Variants in OSBPL10 observed in about 807,000 individuals in gnomAD.
OSBPL10 encodes oxysterol binding protein like 10.
In OSBPL10, 49 loss-of-function variants were observed where a neutral mutation model predicts 81.7. The ratio of observed to expected loss-of-function variants is 0.60; its 90% CI spans 0.48 to 0.76. The LOEUF is 0.76. Among genes scored for constraint, OSBPL10 ranks in the 30% least tolerant of loss-of-function variants. The probability of loss-of-function intolerance (pLI) is 0.00; values close to 1 mark genes in which losing one functional copy is unlikely to be tolerated. For synonymous variants in OSBPL10, 419 were observed against 383.6 expected, an observed-to-expected ratio of 1.09 and a Z score of -1.08; for missense variants, 923 against 987.8, an observed-to-expected ratio of 0.93 and a Z score of 0.88.
At chr3:31,897,428 A>T (rs984664694) in intron 1 of OSBPL10, among the ~76,000 whole-genome samples, 3 of 152,222 alleles carry the variant, frequency 2.0e-5, no homozygotes, top group African/African-American at 7.2e-5. Context: ...ATCCTTCCAC[A>T]GCGGTTCCAC....
At chr3:31,784,826 G>A (rs530207305) in intron 4 of OSBPL10, among the ~76,000 whole-genome samples, 91 of 124,920 alleles carry the variant, frequency 7.3e-4, no homozygotes, top group Non-Finnish European at 1.1e-3. Flanking sequence ...CAAGTGATTC[G>A]CCCATCTTGG....
intron 7 of OSBPL10, among the ~76,000 whole-genome samples, chr3:31,690,326 C>T (rs1165124224): frequency 2.0e-5 from 3 of 152,096 alleles, no homozygotes; most frequent in African/African-American, 7.2e-5. Context: ...CGCCTTCTGC[C>T]ATGATTGTAA....
chr3:31,904,418 C>T (rs1219466642), intron 1 of OSBPL10, among the ~76,000 whole-genome samples: 1 of 152,096 alleles, frequency 6.6e-6, no homozygotes, highest in Non-Finnish European at 1.5e-5. Context: ...ACAAAGGGCT[C>T]CTGGAAAACA....
chr3:31,692,820 G>T (rs1695594935), intron 7 of OSBPL10, among the ~76,000 whole-genome samples: 2 of 152,228 alleles, frequency 1.3e-5, no homozygotes, highest in Non-Finnish European at 2.9e-5. Flanking sequence ...GCTGGAATGA[G>T]AATCAATTCT....
intron 1 of OSBPL10, among the ~76,000 whole-genome samples, chr3:31,928,169 G>A (rs1005068330): frequency 1.3e-5 from 2 of 152,034 alleles, no homozygotes; most frequent in South Asian, 4.2e-4. Flanking sequence ...ATTTGCGGAT[G>A]GTATTTAAAA....
chr3:31,777,150 C>T (rs1460800087), intron 4 of OSBPL10, among the ~76,000 whole-genome samples: 1 of 152,196 alleles, frequency 6.6e-6, no homozygotes. Flanking sequence ...TCATTTAAAA[C>T]TCACATTGTG....
intron 4 of OSBPL10, among the ~76,000 whole-genome samples, chr3:31,770,743 G>A (rs745883703): frequency 6.6e-6 from 1 of 152,020 alleles, no homozygotes; most frequent in African/African-American, 2.4e-5. Flanking sequence ...CCAAGATCGC[G>A]TCATTGCACT....
intron 1 of OSBPL10, among the ~76,000 whole-genome samples, chr3:32,072,598 C>T (rs751175991): frequency 2.6e-5 from 4 of 152,122 alleles, no homozygotes; most frequent in African/African-American, 4.8e-5. Flanking sequence ...TCCTTTCCAT[C>T]GTGAAAATCT....
At chr3:32,059,887 G>C (rs1035846677) in intron 1 of OSBPL10, among the ~76,000 whole-genome samples, 1 of 152,080 alleles carries the variant, frequency 6.6e-6, no homozygotes, top group African/African-American at 2.4e-5. Context: ...ACTCCAGCCT[G>C]GGAGACAGAG....
At chr3:31,740,744 C>T (rs191500062) in intron 5 of OSBPL10, among the ~76,000 whole-genome samples, 7 of 150,836 alleles carry the variant, frequency 4.6e-5, no homozygotes, top group Admixed American at 4.6e-4. Context: ...AGCTACTGCA[C>T]TCCAGCCTGG....
At chr3:31,940,280 G>C (rs1697498221) in intron 1 of OSBPL10, among the ~76,000 whole-genome samples, 1 of 152,210 alleles carries the variant, frequency 6.6e-6, no homozygotes, top group Non-Finnish European at 1.5e-5. Context: ...CAATGTGGCT[G>C]AGCTCCAAAG....
intron 3 of OSBPL10, among the ~76,000 whole-genome samples, chr3:31,850,758 T>G (rs958060806): frequency 1.3e-5 from 2 of 152,278 alleles, no homozygotes; most frequent in Non-Finnish European, 2.9e-5. Context: ...TGATTAAGCC[T>G]CTCCAAAAGT....
At chr3:32,072,365 T>G (rs1443529279) in intron 1 of OSBPL10, among the ~76,000 whole-genome samples, 1 of 152,196 alleles carries the variant, frequency 6.6e-6, no homozygotes, top group Non-Finnish European at 1.5e-5. Context: ...GCATTCCAAC[T>G]TCTGTCCCTC....
intron 1 of OSBPL10, among the ~76,000 whole-genome samples, chr3:31,975,684 G>A (rs1439324399): frequency 1.3e-5 from 2 of 152,148 alleles, no homozygotes; most frequent in African/African-American, 4.8e-5. Context: ...GATAAACACA[G>A]CAACACAAGG....
chr3:31,756,596 A>G (rs1697896476), intron 4 of OSBPL10, among the ~76,000 whole-genome samples: 1 of 152,258 alleles, frequency 6.6e-6, no homozygotes, highest in African/African-American at 2.4e-5. Flanking sequence ...CCCCTTATAT[A>G]TAATTGTATA....
At chr3:31,783,146 T>C (rs113819313) in intron 4 of OSBPL10, among the ~76,000 whole-genome samples, 6,654 of 112,588 alleles carry the variant, frequency 0.059, 434 homozygotes, top group African/African-American at 0.13. Context: ...TATATATATA[T>C]ACACACACAC....
chr3:31,912,042 C>A (rs1163521303), intron 1 of OSBPL10, among the ~76,000 whole-genome samples: 1 of 151,636 alleles, frequency 6.6e-6, no homozygotes, highest in African/African-American at 2.4e-5. Flanking sequence ...CCGAAAAAAA[C>A]AGTTAAAATG....
At chr3:31,796,413 G>A (rs1349305166) in intron 4 of OSBPL10, among the ~76,000 whole-genome samples, 1 of 152,108 alleles carries the variant, frequency 6.6e-6, no homozygotes, top group Non-Finnish European at 1.5e-5. Context: ...AGAGCATACG[G>A]GAGGATGTAC....
chr3:31,909,625 G>A (rs1342928479), intron 1 of OSBPL10, among the ~76,000 whole-genome samples: 3 of 152,148 alleles, frequency 2.0e-5, no homozygotes, highest in Admixed American at 2.0e-4. Flanking sequence ...CACCAAGTCA[G>A]TACGGCCACT....
Sources: allele counts gnomAD v4.1 joint callset (sites outside exome capture counted in the v4.1 genomes callset), GRCh38; gene constraint gnomAD v4.1.1; transcripts MANE v1.5; gene names NCBI Gene and HGNC (gene_info 2026-07-23, HGNC 2026-07-21).